Variants in CACNB4 observed in about 807,000 individuals in gnomAD.
The protein encoded by CACNB4 is voltage-dependent L-type calcium channel subunit beta-4.
A neutral mutation model predicts 71.2 loss-of-function variants in CACNB4; 32 were observed. The ratio of observed to expected loss-of-function variants is 0.45; its 90% CI spans 0.34 to 0.60. The LOEUF is 0.60. CACNB4 is among the 20% of genes least tolerant of loss of function. The probability of loss-of-function intolerance (pLI) is 0.01; values close to 1 mark genes in which losing one functional copy is unlikely to be tolerated. For synonymous variants in CACNB4, 231 were observed against 236.9 expected (o/e 0.97, Z 0.23); for missense variants, 464 against 647.9 (o/e 0.72, Z 3.08).
At chr2:151,895,096 C>CCCCCCA (rs762464510) in intron 2 of CACNB4, among the ~76,000 whole-genome samples, 392 of 22,324 alleles carry the variant, frequency 0.018, 23 homozygotes, top group African/African-American at 0.021. Context: ...TCAAATAGCC[C>CCCCCCA]CACACACACA....
intron 2 of CACNB4, among the ~76,000 whole-genome samples, chr2:152,028,399 C>T (rs188337803): frequency 3.3e-5 from 5 of 152,152 alleles, no homozygotes; most frequent in South Asian, 2.1e-4. Context: ...TGAATTCTCC[C>T]GACACCCACT....
rs768612563 is a variant in CACNB4, at chr2:151,876,421, C to T, written c.521+5G>A. On this transcript the variant is annotated splice_donor_5th_base_variant and intron_variant, in intron 5 of 13. Transcript: ENST00000539935. ...AAAAAGTGCATAGAAAAGATGGGAA[C>T]GTACCCTCCGTGAAAACGTCCTCTT... 19 of 1,595,678 alleles carry T rather than the reference C, an allele frequency of 1.2e-5. No individual in the cohort carries two copies. The highest frequency in any genetic ancestry group is 1.1e-4 in the African/African-American group (8 of 74,460).
chr2:151,967,665 G>A (rs1307259889), intron 2 of CACNB4: 2 of 125,414 alleles, frequency 1.6e-5, no homozygotes, highest in African/African-American at 5.1e-5. Context: ...CAAAATAAGA[G>A]AACTGTTGTT....
chr2:151,842,319 TC>T (rs1443298003), intron 12 of CACNB4, among the ~76,000 whole-genome samples: 35 of 130,338 alleles, frequency 2.7e-4, no homozygotes, highest in African/African-American at 9.6e-4. Flanking sequence ...AATATTTGGA[TC>T]TTTTTTTTTT....
intron 7 of CACNB4, 66 bp downstream of exon 7, chr2:151,870,776 T>C (rs1168696294): frequency 5.1e-6 from 7 of 1,362,492 alleles, no homozygotes; most frequent in Non-Finnish European, 7.3e-6. Flanking sequence ...GTCACTGAAA[T>C]GGAGCATTGC....
At chr2:151,965,935 T>C (rs1488639742) in intron 2 of CACNB4, among the ~76,000 whole-genome samples, 1 of 152,226 alleles carries the variant, frequency 6.6e-6, no homozygotes, top group Non-Finnish European at 1.5e-5. Context: ...TATACCTGCT[T>C]CCTTCAAAGA....
intron 2 of CACNB4, among the ~76,000 whole-genome samples, chr2:152,082,697 C>A (rs1271998576): frequency 6.6e-6 from 1 of 152,198 alleles, no homozygotes; most frequent in Non-Finnish European, 1.5e-5. Context: ...CAGGCAGTCT[C>A]CCCTGTATCA....
At chr2:152,028,577 T>A (rs1312676683) in intron 2 of CACNB4, among the ~76,000 whole-genome samples, 1 of 152,208 alleles carries the variant, frequency 6.6e-6, no homozygotes, top group Non-Finnish European at 1.5e-5. Context: ...TCATTTAAAT[T>A]TGTCTTTCTG....
intron 2 of CACNB4, among the ~76,000 whole-genome samples, chr2:152,035,708 T>G (rs1240945631): frequency 1.3e-5 from 2 of 150,290 alleles, no homozygotes; most frequent in African/African-American, 2.4e-5. Context: ...GGATTAAGAT[T>G]GTCCTTGTTA....
chr2:152,050,218 C>T (rs921378745), intron 2 of CACNB4, among the ~76,000 whole-genome samples: 20 of 152,332 alleles, frequency 1.3e-4, no homozygotes, highest in Admixed American at 2.0e-4. Context: ...CCGGGTTCTC[C>T]CACACACAAT....
chr2:151,972,767 C>T (rs374765338), intron 2 of CACNB4: 8 of 151,810 alleles, frequency 5.3e-5, no homozygotes, highest in African/African-American at 1.9e-4. Context: ...ATATAACACA[C>T]TCCTGTTTCA....
intron 2 of CACNB4, among the ~76,000 whole-genome samples, chr2:151,966,597 T>C (rs2099871183): frequency 6.6e-6 from 1 of 152,124 alleles, no homozygotes; most frequent in Admixed American, 6.6e-5. Context: ...TTATTTCAAT[T>C]ACACTTTACC....
chr2:151,999,527 C>T (rs573429373), intron 2 of CACNB4, among the ~76,000 whole-genome samples: 2 of 152,312 alleles, frequency 1.3e-5, no homozygotes, highest in South Asian at 4.1e-4. Context: ...CACTCCTTTA[C>T]CTCTAACCCA....
Position 151,992,457 on chromosome 2 carries a change from A to G in CACNB4, c.147+105873T>C, listed in dbSNP as rs150780643. On this transcript the variant is annotated intron_variant, in intron 2 of 13. Transcript: ENST00000539935. ...TTAAGAACAAAATGCAAGAGCAACT[A>G]TAGCTTTGGGACGTTGTTAGCATGT... Among the ~76,000 whole-genome samples the G allele has an allele frequency of 6.6e-5, 10 of 152,410 alleles. No homozygotes were observed. In the East Asian group the frequency reaches 1.3e-3, roughly 21 times the overall value.
In CACNB4 at chr2:151,833,510, TAA is replaced by T. The variant is rs1341466512; in HGVS notation, c.*5607_*5608del. Reference sequence around the variant, plus strand: ...GCTGTTGTTATTGAAAGAGAAGAAATAAGAGGAGAAAATATGGTATGAGTGTT... The same window carrying T: ...GCTGTTGTTATTGAAAGAGAAGAAATGAGGAGAAAATATGGTATGAGTGTT... On this transcript the variant is annotated 3_prime_UTR_variant, in exon 14 of 14. Coordinates refer to ENST00000539935, the MANE Select transcript of CACNB4 (RefSeq NM_000726.5). 2 of 151,912 alleles carry T rather than the reference TAA, an allele frequency of 1.3e-5. No homozygotes were observed. Among genetic ancestry groups the T allele is most frequent in the African/African-American group, 4.8e-5 (2 of 41,368 alleles). 9.4% of individuals were successfully genotyped at this position (151,912 alleles called of 1,614,324 possible).
intron 2 of CACNB4, chr2:151,968,696 G>T (rs2099871766): frequency 6.6e-6 from 1 of 152,144 alleles, no homozygotes; most frequent in South Asian, 2.1e-4. Flanking sequence ...TTTACAGAAT[G>T]TCTTGCACCA....
At position 151,897,480 on chromosome 2, in the gene CACNB4, G is replaced by A. The variant is rs114995087; in HGVS notation, c.148-14110C>T. 9.9e-3 allele frequency among the ~76,000 whole-genome samples: 1,509 copies of A among 152,250 alleles called. 24 individuals are homozygous for A. Among genetic ancestry groups the A allele is most frequent in the African/African-American group, 0.033 (1,372 of 41,526 alleles). ...CAAGGCGGTCAAAGAGAGAAGCCAC[G>A]TCTGCTCATCAATTTGTTGGAAACT... On this transcript the variant is annotated intron_variant, in intron 2 of 13. Coordinates refer to ENST00000539935, the MANE Select transcript of CACNB4 (RefSeq NM_000726.5).
At chr2:151,945,847 G>A (rs2099865434) in intron 2 of CACNB4, among the ~76,000 whole-genome samples, 1 of 145,216 alleles carries the variant, frequency 6.9e-6, no homozygotes, top group Non-Finnish European at 1.5e-5. Context: ...ACTTCAGCCT[G>A]TGTGATGGAG....
chr2:151,854,428 TCTTTA>T, intron 11 of CACNB4: 1 of 152,306 alleles, frequency 6.6e-6, no homozygotes, highest in East Asian at 1.9e-4. Context: ...GAGTACAGCT[TCTTTA>T]GACATTCTCC....
Sources: allele counts gnomAD v4.1 joint callset (sites outside exome capture counted in the v4.1 genomes callset), GRCh38; gene constraint gnomAD v4.1.1; transcripts MANE v1.5; gene names NCBI Gene and HGNC (gene_info 2026-07-23, HGNC 2026-07-21).